Variants in AGBL1 observed in about 807,000 individuals in gnomAD.
AGBL1 encodes cytosolic carboxypeptidase 4.
Under a neutral mutation model 118.9 loss-of-function variants are expected in AGBL1, and 130 were observed. That is an observed-to-expected ratio of 1.09 (90% CI 0.95 to 1.26). The LOEUF is 1.26. Among genes scored for constraint, AGBL1 ranks in the 50% most tolerant of loss-of-function variants. The pLI is 0.00. For missense variants in AGBL1, 1,584 were observed against 1,298.1 expected (o/e 1.22, Z -3.38); for synonymous variants, 555 against 478.9 (o/e 1.16, Z -2.08).
intron 17 of AGBL1, among the ~76,000 whole-genome samples, chr15:86,390,837 T>G (rs750044850): frequency 2.0e-5 from 3 of 151,706 alleles, no homozygotes; most frequent in Non-Finnish European, 4.4e-5. Context: ...GCCCAGCAAA[T>G]TTTTGTATTT....
At chr15:86,716,436 T>C (rs1232375542) in intron 22 of AGBL1, among the ~76,000 whole-genome samples, 6 of 152,220 alleles carry the variant, frequency 3.9e-5, no homozygotes, top group Admixed American at 2.0e-4. Context: ...TTCCATTTCA[T>C]GTGACTTTCT....
intron 24 of AGBL1, among the ~76,000 whole-genome samples, chr15:87,019,955 A>T (rs1392921304): frequency 6.6e-6 from 1 of 152,118 alleles, no homozygotes; most frequent in Non-Finnish European, 1.5e-5. Flanking sequence ...CAGAAATATA[A>T]ACAACCATCA....
At chr15:86,429,668 G>A (rs1012822907) in intron 18 of AGBL1, among the ~76,000 whole-genome samples, 1 of 152,114 alleles carries the variant, frequency 6.6e-6, no homozygotes, top group African/African-American at 2.4e-5. Flanking sequence ...CTCACCATGT[G>A]GATGAATACA....
chr15:86,687,137 G>T (rs2086072794), intron 22 of AGBL1, among the ~76,000 whole-genome samples: 1 of 152,126 alleles, frequency 6.6e-6, no homozygotes, highest in South Asian at 2.1e-4. Context: ...TTAAGGCATT[G>T]AAAAGGCTAT....
Position 86,307,985 on chromosome 15 carries a change from C to A in AGBL1, c.2374+12577C>A, listed in dbSNP as rs144145135. ...GAATTCTGTGCTAAATGGTCTTTTG[C>A]TATTCTTTATACTTTTAAATCACAT... is the stretch of plus-strand genomic sequence containing the variant. On this transcript the variant is annotated intron_variant, in intron 17 of 22. Coordinates refer to ENST00000614907, the MANE Select transcript of AGBL1 (RefSeq NM_001386094.1). Among the ~76,000 whole-genome samples the A allele has an allele frequency of 3.0e-3, 460 of 152,232 alleles. 11 individuals are homozygous for A. Among genetic ancestry groups the A allele is most frequent in the Admixed American group, 0.024 (366 of 15,288 alleles).
chr15:86,955,482 C>A (rs977585125), intron 23 of AGBL1, among the ~76,000 whole-genome samples: 1 of 151,800 alleles, frequency 6.6e-6, no homozygotes, highest in East Asian at 1.9e-4. Context: ...AAAAAAGAAC[C>A]AGACACAAAT....
At chr15:86,622,558 T>A (rs993812558) in intron 21 of AGBL1, among the ~76,000 whole-genome samples, 3 of 152,050 alleles carry the variant, frequency 2.0e-5, no homozygotes, top group Admixed American at 6.6e-5. Context: ...GATGAAAAGA[T>A]GGAGCACTTT....
chr15:86,684,396 A>T (rs958037324), intron 22 of AGBL1, among the ~76,000 whole-genome samples: 1 of 151,888 alleles, frequency 6.6e-6, no homozygotes, highest in African/African-American at 2.4e-5. Flanking sequence ...ATAGTCTATC[A>T]TGGCTTTTGC....
intron 1 of AGBL1, among the ~76,000 whole-genome samples, chr15:86,113,510 T>G (rs948104834): frequency 6.6e-6 from 1 of 152,020 alleles, no homozygotes; most frequent in African/African-American, 2.4e-5. Flanking sequence ...GGTCTCGAAC[T>G]CCTGACTTCA....
rs536227319 is a variant in AGBL1 at position 86,202,795 on chromosome 15, A to T, written c.489-22119A>T. Reference sequence around the variant, plus strand: ...TGTGGAAATTTTTGATTCAGATAAGAACTGTAGTGGCTTATCACAGGCAAA... The same window carrying T: ...TGTGGAAATTTTTGATTCAGATAAGTACTGTAGTGGCTTATCACAGGCAAA... On this transcript the variant is annotated intron_variant, in intron 5 of 22. Coordinates refer to ENST00000614907, the MANE Select transcript of AGBL1 (RefSeq NM_001386094.1). Among the ~76,000 whole-genome samples, 493 of 152,300 alleles carry T rather than the reference A, an allele frequency of 3.2e-3. 2 individuals carry two copies. Among genetic ancestry groups the T allele is most frequent in the Non-Finnish European group, 5.0e-3 (339 of 68,018 alleles).
chr15:86,266,564 C>A, intron 12 of AGBL1, 107 bp downstream of exon 12: 1 of 818,410 alleles, frequency 1.2e-6, no homozygotes, highest in Non-Finnish European at 1.9e-6. Flanking sequence ...CCTAAAACAG[C>A]ATGATGAAAA....
chr15:86,455,525 G>A (rs1292530136), intron 18 of AGBL1, among the ~76,000 whole-genome samples: 1 of 151,912 alleles, frequency 6.6e-6, no homozygotes, highest in Non-Finnish European at 1.5e-5. Context: ...GCCTGTATTG[G>A]CTATCAAATG....
intron 22 of AGBL1, among the ~76,000 whole-genome samples, chr15:86,809,141 G>A (rs1257136820): frequency 2.6e-5 from 4 of 152,084 alleles, no homozygotes; most frequent in Non-Finnish European, 4.4e-5. Context: ...TAAAGTCACC[G>A]GCTAGACAGT....
chr15:86,155,015 A>G (rs1392788610), intron 4 of AGBL1, among the ~76,000 whole-genome samples: 1 of 152,174 alleles, frequency 6.6e-6, no homozygotes, highest in Non-Finnish European at 1.5e-5. Flanking sequence ...ATTTAAAAAA[A>G]CCCATGATCC....
chr15:86,390,950 G>A (rs1296744059), intron 17 of AGBL1, among the ~76,000 whole-genome samples: 3 of 151,172 alleles, frequency 2.0e-5, no homozygotes, highest in Non-Finnish European at 4.4e-5. Context: ...TATTACAGGC[G>A]TGAGCCACCG....
intron 5 of AGBL1, among the ~76,000 whole-genome samples, chr15:86,182,223 C>G (rs2077562498): frequency 6.6e-6 from 1 of 151,878 alleles, no homozygotes; most frequent in South Asian, 2.1e-4. Context: ...GCCTCTATAT[C>G]TTGTCCACTT....
intron 17 of AGBL1, among the ~76,000 whole-genome samples, chr15:86,303,309 G>A (rs932176578): frequency 5.3e-5 from 8 of 152,154 alleles, no homozygotes; most frequent in African/African-American, 1.9e-4. Flanking sequence ...CAACTAAGTG[G>A]GTGATGAGGT....
At chr15:86,714,959 A>T (rs2086615920) in intron 22 of AGBL1, among the ~76,000 whole-genome samples, 1 of 152,094 alleles carries the variant, frequency 6.6e-6, no homozygotes, top group Non-Finnish European at 1.5e-5. Flanking sequence ...GGATTATTGA[A>T]ATTTAGGGTT....
At chr15:86,978,433 A>T (rs933066981) in intron 23 of AGBL1, among the ~76,000 whole-genome samples, 1 of 152,228 alleles carries the variant, frequency 6.6e-6, no homozygotes, top group Non-Finnish European at 1.5e-5. Context: ...GATTTAGACA[A>T]ATAGCTTCTG....
Sources: allele counts gnomAD v4.1 joint callset (sites outside exome capture counted in the v4.1 genomes callset), GRCh38; gene constraint gnomAD v4.1.1; transcripts MANE v1.5; gene names NCBI Gene and HGNC (gene_info 2026-07-23, HGNC 2026-07-21).